Variants in RIMS1 observed in about 807,000 individuals in gnomAD.
RIMS1 encodes regulating synaptic membrane exocytosis protein 1.
A neutral mutation model predicts 214.1 loss-of-function variants in RIMS1; 83 were observed. The ratio of observed to expected loss-of-function variants is 0.39; its 90% confidence interval spans 0.32 to 0.47. The LOEUF (loss-of-function observed/expected upper bound fraction) is 0.47. RIMS1 is among the 20% of genes least tolerant of loss of function. The pLI, the probability that RIMS1 is intolerant of heterozygous loss-of-function variation, is 0.99. For synonymous variants in RIMS1, 793 were observed against 786.8 expected, an observed-to-expected ratio of 1.01 and a Z score of -0.13; for missense variants, 2,050 against 2,161.8, an observed-to-expected ratio of 0.95 and a Z score of 1.03.
intron 1 of RIMS1, among the ~76,000 whole-genome samples, chr6:71,933,899 T>C (rs1783819077): frequency 6.6e-6 from 1 of 152,150 alleles, no homozygotes; most frequent in African/African-American, 2.4e-5. Context: ...AATAATTTTA[T>C]AAAAACACAA....
intron 4 of RIMS1, among the ~76,000 whole-genome samples, chr6:72,168,203 C>G (rs1322820652): frequency 2.0e-5 from 3 of 152,086 alleles, no homozygotes; most frequent in Non-Finnish European, 4.4e-5. Context: ...GTGGCAAATC[C>G]TTATGGGTGT....
intron 6 of RIMS1, among the ~76,000 whole-genome samples, chr6:72,190,901 A>G (rs2049967255): frequency 6.6e-6 from 1 of 152,216 alleles, no homozygotes; most frequent in South Asian, 2.1e-4. Context: ...AAGCCCAGGA[A>G]CAGGCCAAGA....
intron 6 of RIMS1, among the ~76,000 whole-genome samples, chr6:72,219,889 T>C (rs564825338): frequency 2.3e-4 from 35 of 152,232 alleles, no homozygotes; most frequent in African/African-American, 8.2e-4. Flanking sequence ...ATATTTTCTA[T>C]ATTTTCCTAT....
chr6:71,897,232 C>A (rs1330997088), intron 1 of RIMS1, among the ~76,000 whole-genome samples: 2 of 152,104 alleles, frequency 1.3e-5, no homozygotes, highest in African/African-American at 2.4e-5. Context: ...CTCTTCAGTA[C>A]TTATCTGGAT....
intron 1 of RIMS1, among the ~76,000 whole-genome samples, chr6:71,961,366 C>A (rs1387279617): frequency 1.3e-5 from 2 of 152,040 alleles, no homozygotes; most frequent in African/African-American, 4.8e-5. Flanking sequence ...CCCTTCCTCA[C>A]CCTACCGCTT....
intron 29 of RIMS1, among the ~76,000 whole-genome samples, chr6:72,336,201 T>C (rs890154293): frequency 2.0e-5 from 3 of 151,832 alleles, no homozygotes; most frequent in African/African-American, 7.2e-5. Context: ...CTTCTCCCTC[T>C]TTACCCTCTT....
intron 6 of RIMS1, among the ~76,000 whole-genome samples, chr6:72,196,261 A>G (rs1242195974): frequency 6.6e-6 from 1 of 152,122 alleles, no homozygotes; most frequent in Non-Finnish European, 1.5e-5. Flanking sequence ...TATTTAATAA[A>G]TATCTAAAAA....
At chr6:72,144,346 A>G (rs2042437510) in intron 4 of RIMS1, among the ~76,000 whole-genome samples, 1 of 152,232 alleles carries the variant, frequency 6.6e-6, no homozygotes, top group South Asian at 2.1e-4. Context: ...TGAGTAGAGC[A>G]GGAGTTTGAG....
chr6:72,043,911 C>CG (rs905428015), intron 2 of RIMS1, among the ~76,000 whole-genome samples: 2 of 151,452 alleles, frequency 1.3e-5, no homozygotes, highest in African/African-American at 2.4e-5. Flanking sequence ...ATTAACCCAA[C>CG]AACCCCTGTG....
chr6:72,052,933 C>A (rs2152162814), intron 2 of RIMS1, among the ~76,000 whole-genome samples: 1 of 152,232 alleles, frequency 6.6e-6, no homozygotes. Flanking sequence ...GTGAGAGGAT[C>A]CCTGCAGTTA....
chr6:72,109,119 G>A (rs191097293), intron 4 of RIMS1, among the ~76,000 whole-genome samples: 1,704 of 152,112 alleles, frequency 0.011, 11 homozygotes, highest in Non-Finnish European at 0.017. Context: ...ATTTGGGTTG[G>A]TTCCAAGTCT....
chr6:72,033,270 C>G (rs1484223710), intron 2 of RIMS1, among the ~76,000 whole-genome samples: 1 of 152,216 alleles, frequency 6.6e-6, no homozygotes, highest in Non-Finnish European at 1.5e-5. Flanking sequence ...TTGCATGTTA[C>G]AGTATGCTGA....
At chr6:72,247,944 A>G in intron 11 of RIMS1, 71 bp from the exon 12 acceptor site, 1 of 942,450 alleles carries the variant, frequency 1.1e-6, no homozygotes, top group Non-Finnish European at 1.7e-6. Flanking sequence ...CAAATAAAGG[A>G]TGCATTTAAC....
intron 2 of RIMS1, among the ~76,000 whole-genome samples, chr6:72,088,405 C>A (rs540841343): frequency 6.6e-6 from 1 of 151,896 alleles, no homozygotes; most frequent in Non-Finnish European, 1.5e-5. Flanking sequence ...CCTGCCACCA[C>A]ACCCAGCTAA....
intron 6 of RIMS1, among the ~76,000 whole-genome samples, chr6:72,207,419 A>G (rs747958198): frequency 5.3e-5 from 8 of 152,160 alleles, no homozygotes; most frequent in Non-Finnish European, 1.0e-4. Context: ...TGGTATTTTA[A>G]GTCTTATCAT....
intron 29 of RIMS1, among the ~76,000 whole-genome samples, chr6:72,348,320 T>G (rs894661515): frequency 1.3e-5 from 2 of 151,896 alleles, no homozygotes; most frequent in African/African-American, 4.8e-5. Context: ...AACCTGCATA[T>G]GCGGAGGGAT....
chr6:72,237,382 C>A (rs904632939), intron 8 of RIMS1, among the ~76,000 whole-genome samples: 9 of 151,994 alleles, frequency 5.9e-5, no homozygotes, highest in Non-Finnish European at 1.2e-4. Context: ...CTACTTTAAT[C>A]AAAAATGTAG....
chr6:72,353,488 TC>T (rs2097533061), intron 29 of RIMS1, among the ~76,000 whole-genome samples: 1 of 152,238 alleles, frequency 6.6e-6, no homozygotes, highest in African/African-American at 2.4e-5. Context: ...GAGTCCAGGT[TC>T]CCCTGTTCAA....
chr6:71,942,627 GTT>G (rs770521681), intron 1 of RIMS1, among the ~76,000 whole-genome samples: 9 of 151,896 alleles, frequency 5.9e-5, no homozygotes, highest in Non-Finnish European at 8.8e-5. Context: ...TTCCTGGAGG[GTT>G]TTTTGTTTGT....
Sources: allele counts gnomAD v4.1 joint callset (sites outside exome capture counted in the v4.1 genomes callset), GRCh38; gene constraint gnomAD v4.1.1; transcripts MANE v1.5; gene names NCBI Gene and HGNC (gene_info 2026-07-23, HGNC 2026-07-21).